Variants in FUT8 observed in about 807,000 individuals in gnomAD.
FUT8 encodes fucosyltransferase 8.
A neutral mutation model predicts 71.3 loss-of-function variants in FUT8; 29 were observed. That is an observed-to-expected ratio of 0.41 (90% confidence interval 0.30 to 0.55). FUT8 has a LOEUF of 0.55. FUT8 is among the 20% of genes least tolerant of loss of function. The pLI is 0.34. For missense variants in FUT8, 544 were observed against 702.1 expected, an observed-to-expected ratio of 0.77 and a Z score of 2.55; for synonymous variants, 254 against 239.3, an observed-to-expected ratio of 1.06 and a Z score of -0.57.
chr14:65,591,867 T>C (rs1887707568), intron 3 of FUT8, among the ~76,000 whole-genome samples: 4 of 150,644 alleles, frequency 2.7e-5, no homozygotes, highest in Non-Finnish European at 5.9e-5. Context: ...GTGTATGTCA[T>C]ATATAATCTA....
chr14:65,553,351 T>G (rs1048083064), intron 2 of FUT8, among the ~76,000 whole-genome samples: 7 of 152,144 alleles, frequency 4.6e-5, no homozygotes, highest in African/African-American at 1.7e-4. Flanking sequence ...GTCTCATCTT[T>G]TAAATATTCT....
intron 2 of FUT8, among the ~76,000 whole-genome samples, chr14:65,530,726 T>C (rs1258102187): frequency 6.6e-6 from 1 of 151,724 alleles, no homozygotes; most frequent in African/African-American, 2.4e-5. Flanking sequence ...GAGTTGAATC[T>C]TTTTAGTACT....
At chr14:65,440,803 A>G (rs2065643347) in intron 1 of FUT8, among the ~76,000 whole-genome samples, 1 of 152,152 alleles carries the variant, frequency 6.6e-6, no homozygotes, top group Non-Finnish European at 1.5e-5. Flanking sequence ...ATTTGGGTCC[A>G]TGAAGAACCA....
intron 3 of FUT8, among the ~76,000 whole-genome samples, chr14:65,562,094 G>A (rs1566823586): frequency 6.6e-6 from 1 of 151,906 alleles, no homozygotes; most frequent in Non-Finnish European, 1.5e-5. Flanking sequence ...TGTGCCCCAA[G>A]ACAATTTTTC....
chr14:65,436,150 A>C (rs748263086), intron 1 of FUT8, among the ~76,000 whole-genome samples: 1 of 151,742 alleles, frequency 6.6e-6, no homozygotes, highest in Non-Finnish European at 1.5e-5. Context: ...AGGCTGTAAA[A>C]TATCTTTCTT....
At chr14:65,647,527 G>A (rs1209610359) in intron 6 of FUT8, among the ~76,000 whole-genome samples, 1 of 152,132 alleles carries the variant, frequency 6.6e-6, no homozygotes, top group African/African-American at 2.4e-5. Flanking sequence ...GTAGAATTAT[G>A]TGCTAAGTAG....
chr14:65,438,331 G>C (rs1331456488), intron 1 of FUT8, among the ~76,000 whole-genome samples: 1 of 152,084 alleles, frequency 6.6e-6, no homozygotes, highest in African/African-American at 2.4e-5. Context: ...CCTAGATAGA[G>C]GGCCCAATTG....
At chr14:65,437,293 G>T (rs1200834617) in intron 1 of FUT8, among the ~76,000 whole-genome samples, 1 of 152,120 alleles carries the variant, frequency 6.6e-6, no homozygotes. Context: ...AAAAACAATT[G>T]AAAGCATTTA....
At chr14:65,741,768 A>G (rs1485130726) in intron 10 of FUT8, among the ~76,000 whole-genome samples, 2 of 152,048 alleles carry the variant, frequency 1.3e-5, no homozygotes, top group East Asian at 1.9e-4. Context: ...AGCTTGGACC[A>G]CTGTGTATGT....
At chr14:65,739,574 C>T (rs1896391558) in intron 10 of FUT8, among the ~76,000 whole-genome samples, 1 of 151,938 alleles carries the variant, frequency 6.6e-6, no homozygotes, top group South Asian at 2.1e-4. Flanking sequence ...TTCATTGTCA[C>T]AGTAGAGATT....
chr14:65,713,617 G>GT (rs1169923554), intron 7 of FUT8, among the ~76,000 whole-genome samples: 3 of 152,082 alleles, frequency 2.0e-5, no homozygotes, highest in Admixed American at 6.5e-5. Flanking sequence ...CCTTGTTGTA[G>GT]TTTTTGATGA....
At chr14:65,537,411 G>A (rs1884392405) in intron 2 of FUT8, among the ~76,000 whole-genome samples, 1 of 151,144 alleles carries the variant, frequency 6.6e-6, no homozygotes, top group Admixed American at 6.6e-5. Flanking sequence ...TTTTTTTGAC[G>A]GAATCTTGCT....
At chr14:65,365,414 C>T in the FUT8 span, among the ~76,000 whole-genome samples, 1 of 151,530 alleles carries the variant, frequency 6.6e-6, no homozygotes, top group South Asian at 2.1e-4. Flanking sequence ...GGCATGTGAA[C>T]AAGAGCAACT....
At chr14:65,367,779 T>A in the FUT8 span, among the ~76,000 whole-genome samples, 6 of 152,298 alleles carry the variant, frequency 3.9e-5, no homozygotes, top group African/African-American at 1.4e-4. Flanking sequence ...CAAAGGCTTT[T>A]ACCCACCAAA....
At chr14:65,686,276 G>A (rs1170788033) in intron 7 of FUT8, among the ~76,000 whole-genome samples, 1 of 152,156 alleles carries the variant, frequency 6.6e-6, no homozygotes, top group Non-Finnish European at 1.5e-5. Context: ...TCTGGTGCCT[G>A]GAATTGTTCA....
chr14:65,624,098 G>T (rs1159654869), intron 5 of FUT8, among the ~76,000 whole-genome samples: 1 of 152,132 alleles, frequency 6.6e-6, no homozygotes, highest in Non-Finnish European at 1.5e-5. Context: ...AAATATAATT[G>T]AATCAGTAAA....
chr14:65,435,918 T>G (rs2065549765), intron 1 of FUT8, among the ~76,000 whole-genome samples: 1 of 149,768 alleles, frequency 6.7e-6, no homozygotes, highest in African/African-American at 2.5e-5. Flanking sequence ...TTAAGATATC[T>G]TCCCTTTTTT....
chr14:65,367,923 C>T, the FUT8 span, among the ~76,000 whole-genome samples: 1 of 151,350 alleles, frequency 6.6e-6, no homozygotes, highest in Non-Finnish European at 1.5e-5. Context: ...AGCTGGCAAA[C>T]TGATTTGGAA....
chr14:65,461,123 C>T (rs1246385334), intron 2 of FUT8, among the ~76,000 whole-genome samples: 1 of 152,080 alleles, frequency 6.6e-6, no homozygotes, highest in South Asian at 2.1e-4. Flanking sequence ...AAGGTGTTGG[C>T]AGGGCCACAC....
Sources: gnomAD v4.1 joint callset for allele counts (sites outside exome capture counted in the v4.1 genomes callset) on GRCh38, gnomAD v4.1.1 for gene constraint, MANE v1.5 for transcripts, NCBI Gene and HGNC (gene_info 2026-07-23, HGNC 2026-07-21) for gene names.